BTBD9: variants seen among roughly 807,000 people sequenced by gnomAD.
BTBD9 encodes BTB/POZ domain-containing protein 9.
In BTBD9, 49 loss-of-function variants were observed where a neutral mutation model predicts 64.3. That is an observed-to-expected ratio of 0.76 (90% confidence interval 0.61 to 0.97). The LOEUF is 0.97. BTBD9 is among the 50% of genes least tolerant of loss of function. The pLI, the probability that BTBD9 is intolerant of heterozygous loss-of-function variation, is 0.00. For missense variants in BTBD9, 598 were observed against 762.1 expected, an observed-to-expected ratio of 0.78 and a Z score of 2.53; for synonymous variants, 260 against 274.7, an observed-to-expected ratio of 0.95 and a Z score of 0.53.
chr6:38,341,852 C>T (rs1764114383), intron 7 of BTBD9, among the ~76,000 whole-genome samples: 1 of 152,152 alleles, frequency 6.6e-6, no homozygotes, highest in Non-Finnish European at 1.5e-5. Flanking sequence ...GTGGCAGCAG[C>T]AAAGGTGGAA....
At chr6:38,412,689 ACT>A (rs1387385715) in intron 6 of BTBD9, among the ~76,000 whole-genome samples, 1 of 152,012 alleles carries the variant, frequency 6.6e-6, no homozygotes, top group Non-Finnish European at 1.5e-5. Flanking sequence ...TAAAACCCTA[ACT>A]CTACTAAAAA....
chr6:38,293,865 T>C (rs1038934370), intron 7 of BTBD9, among the ~76,000 whole-genome samples: 10 of 151,922 alleles, frequency 6.6e-5, no homozygotes, highest in South Asian at 6.2e-4. Flanking sequence ...AAAGAAACCA[T>C]CATCAGAGTG....
Position 38,168,592 on chromosome 6 carries a change from AAAT to A in BTBD9, c.*6390_*6392del, listed in dbSNP as rs1163111649. ...GAGGAAGAAGCCGCATCGTGCTCAC[AAAT>A]AATACACATTCCACATAGCAGCACA... On this transcript the variant is annotated 3_prime_UTR_variant, in exon 11 of 11. Transcript: ENST00000481247. 1 of 152,282 alleles carries A rather than the reference AAAT, an allele frequency of 6.6e-6. No individual in the cohort carries two copies. The highest frequency in any genetic ancestry group is 1.5e-5 in the Non-Finnish European group (1 of 68,066). The allele number at this position is 152,282 out of a possible 1,614,324, so 9.4% of individuals were successfully genotyped here. A position where few individuals can be genotyped will look rare whatever the true frequency, so the allele number is the denominator to read the frequency against.
At chr6:38,424,266 A>G (rs554748647) in intron 6 of BTBD9, among the ~76,000 whole-genome samples, 32 of 152,004 alleles carry the variant, frequency 2.1e-4, no homozygotes, top group Non-Finnish European at 4.3e-4. Context: ...AGCAGATAGC[A>G]TAAGTTCACT....
Position 38,580,414 on chromosome 6 carries a change from T to C in BTBD9, c.838A>G (p.Met280Val). ...MLIPEENIAT[M>V]KYGAQVVKGE... ...TTTACAACTTGGGCTCCATACTTCA[T>C]AGTTGCAATGTTTTCTTCTGGTACT... The change falls in exon 5 of 11, where the codon ATG becomes GTG. Residue 280 changes from methionine to valine, a missense_variant. Met to Val is a conservative substitution (Grantham distance 21). Transcript: ENST00000481247. 2 of 1,614,132 alleles carry C rather than the reference T, an allele frequency of 1.2e-6. No individual in the cohort carries two copies. The highest frequency in any genetic ancestry group is 8.5e-7 in the Non-Finnish European group (1 of 1,179,954).
intron 9 of BTBD9, among the ~76,000 whole-genome samples, chr6:38,242,569 C>T (rs909129722): frequency 5.9e-5 from 9 of 152,334 alleles, no homozygotes; most frequent in Admixed American, 2.6e-4. Context: ...TTGTATTTTA[C>T]ACTGTGTGTG....
At chr6:38,570,572 TTTC>T (rs1484125470) in intron 6 of BTBD9, among the ~76,000 whole-genome samples, 2 of 152,202 alleles carry the variant, frequency 1.3e-5, no homozygotes, top group African/African-American at 4.8e-5. Flanking sequence ...TCATTCCTCT[TTTC>T]TTCTGTTTTC....
At chr6:38,310,192 T>C (rs770189032) in intron 7 of BTBD9, among the ~76,000 whole-genome samples, 1 of 152,164 alleles carries the variant, frequency 6.6e-6, no homozygotes, top group African/African-American at 2.4e-5. Context: ...TGAGACTCCT[T>C]AATCAAACCA....
intron 7 of BTBD9, among the ~76,000 whole-genome samples, chr6:38,326,436 G>T (rs754164379): frequency 1.3e-5 from 2 of 152,096 alleles, no homozygotes; most frequent in African/African-American, 2.4e-5. Context: ...AGAGCATCCC[G>T]ATAAGACAAC....
chr6:38,349,484 G>A lies in BTBD9; in HGVS notation c.1155-4391C>T, dbSNP rs1304959623. 2.6e-5 allele frequency among the ~76,000 whole-genome samples: 4 copies of A among 152,130 alleles called. No individual in the cohort carries two copies. In the East Asian group the frequency reaches 7.7e-4, roughly 29 times the overall value. ...ACAGTATAATATTTGGAGACAGTGA[G>A]AGGGAGAGAGACTGCATTCCCATAA... On this transcript the variant is annotated intron_variant, in intron 6 of 10. Transcript: ENST00000481247.
chr6:38,224,335 T>C (rs900685074), intron 9 of BTBD9, among the ~76,000 whole-genome samples: 2 of 152,250 alleles, frequency 1.3e-5, no homozygotes, highest in African/African-American at 4.8e-5. Flanking sequence ...CCTGGCTCAG[T>C]TGGCAAGCGC....
At chr6:38,414,985 G>A (rs1453697355) in intron 6 of BTBD9, among the ~76,000 whole-genome samples, 2 of 152,026 alleles carry the variant, frequency 1.3e-5, no homozygotes, top group African/African-American at 4.8e-5. Context: ...TCCCCTAAAA[G>A]GTTCTACAGG....
chr6:38,474,866 C>T (rs566487742), intron 6 of BTBD9, among the ~76,000 whole-genome samples: 82 of 152,170 alleles, frequency 5.4e-4, no homozygotes, highest in African/African-American at 1.9e-3. Flanking sequence ...CCACATTAAA[C>T]TCCAAATGAA....
rs1761821095 is a variant in BTBD9, at chr6:38,288,253, T to C, written c.1454+19A>G. On this transcript the variant is annotated intron_variant, in intron 8 of 10. Coordinates refer to ENST00000481247, the MANE Select transcript of BTBD9 (RefSeq NM_001099272.2). ...TATCTTCCATTTTAAAACTTATGAA[T>C]GAGGAGGAATCTTCTTACCGTATTG... 3 of 1,600,194 alleles carry C rather than the reference T, an allele frequency of 1.9e-6. No homozygotes were observed. Among genetic ancestry groups the C allele is most frequent in the Non-Finnish European group, 2.6e-6 (3 of 1,169,748 alleles).
intron 6 of BTBD9, among the ~76,000 whole-genome samples, chr6:38,395,707 T>G (rs763927609): frequency 3.9e-5 from 3 of 76,186 alleles, no homozygotes; most frequent in Non-Finnish European, 7.7e-5. Flanking sequence ...ATGTTTACTG[T>G]TTTTTTTTTT....
chr6:38,248,723 A>G (rs546057630), intron 9 of BTBD9, among the ~76,000 whole-genome samples: 1 of 152,366 alleles, frequency 6.6e-6, no homozygotes, highest in East Asian at 1.9e-4. Context: ...CATTGTAGGC[A>G]CAGTTCGCTC....
chr6:38,584,890 A>T lies in BTBD9; in HGVS notation c.815-4453T>A, dbSNP rs1214664140. 1.8e-4 allele frequency among the ~76,000 whole-genome samples: 27 copies of T among 152,064 alleles called. 1 individual carries two copies. Among genetic ancestry groups the T allele is most frequent in the Admixed American group, 1.8e-3 (27 of 15,278 alleles). ...GTACTGGCACTCAAACATACCACAGAATGGAAATAAAAAAGAACCCAGGCA... is the reference window on the plus strand; with the variant it reads ...GTACTGGCACTCAAACATACCACAGTATGGAAATAAAAAAGAACCCAGGCA... On this transcript the variant is annotated intron_variant, in intron 4 of 10. Transcript: ENST00000481247.
At chr6:38,425,391 C>T (rs1270190952) in intron 6 of BTBD9, among the ~76,000 whole-genome samples, 3 of 151,866 alleles carry the variant, frequency 2.0e-5, no homozygotes, top group Non-Finnish European at 4.4e-5. Context: ...GCTACTCAGG[C>T]GGCATAAGTC....
At chr6:38,233,207 A>G (rs1030159538) in intron 9 of BTBD9, among the ~76,000 whole-genome samples, 12 of 152,204 alleles carry the variant, frequency 7.9e-5, no homozygotes, top group African/African-American at 2.9e-4. Flanking sequence ...AAAAAAGACA[A>G]GTTGTTCCCA....
Sources: allele counts gnomAD v4.1 joint callset (sites outside exome capture counted in the v4.1 genomes callset), GRCh38; gene constraint gnomAD v4.1.1; transcripts MANE v1.5; gene names NCBI Gene and HGNC (gene_info 2026-07-23, HGNC 2026-07-21).